Variants in UBR3 observed in about 807,000 individuals in gnomAD.
UBR3 encodes the protein ubiquitin protein ligase E3 component n-recognin 3, also known as E3 ubiquitin-protein ligase UBR3.
In UBR3, 85 loss-of-function variants were observed where a neutral mutation model predicts 243.2. The observed-to-expected ratio is 0.35, with a 90% CI of 0.29 to 0.42. The LOEUF is 0.42. Ranked by LOEUF, UBR3 falls within the 10% of genes least tolerant of loss-of-function variation. The pLI is 1.00. For missense variants in UBR3, 1,686 were observed against 2,300.8 expected (o/e 0.73, Z 5.47); for synonymous variants, 748 against 799.8 (o/e 0.94, Z 1.09).
At chr2:170,024,872 C>T (rs2090487094) in intron 30 of UBR3, among the ~76,000 whole-genome samples, 1 of 151,864 alleles carries the variant, frequency 6.6e-6, no homozygotes, top group Non-Finnish European at 1.5e-5. Context: ...AGAATTTATC[C>T]CAGGTGAGTT....
chr2:169,890,579 A>ATGTGTGTG (rs1553504576), intron 5 of UBR3, among the ~76,000 whole-genome samples: 1 of 61,266 alleles, frequency 1.6e-5, no homozygotes, highest in East Asian at 4.8e-4. Context: ...ATATATATAT[A>ATGTGTGTG]TGTATATATA....
At chr2:169,959,093 A>G (rs2087445366) in intron 24 of UBR3, among the ~76,000 whole-genome samples, 1 of 150,356 alleles carries the variant, frequency 6.7e-6, no homozygotes, top group African/African-American at 2.5e-5. Context: ...TATTTCTTCC[A>G]TTCCAGCAAA....
At chr2:169,929,883 TA>T (rs2086053928) in intron 18 of UBR3, among the ~76,000 whole-genome samples, 2 of 152,220 alleles carry the variant, frequency 1.3e-5, no homozygotes, top group Admixed American at 1.3e-4. Flanking sequence ...TTTGAAGTTG[TA>T]AATAATATAC....
At chr2:169,891,607 G>GACACAC (rs778865332) in intron 6 of UBR3, among the ~76,000 whole-genome samples, 38 of 38,712 alleles carry the variant, frequency 9.8e-4, no homozygotes, top group South Asian at 7.9e-3. Flanking sequence ...GTGAGAGAGA[G>GACACAC]ACAGAGACAC....
chr2:170,062,615 G>T (rs910590224), intron 35 of UBR3, among the ~76,000 whole-genome samples: 1 of 152,102 alleles, frequency 6.6e-6, no homozygotes, highest in Non-Finnish European at 1.5e-5. Context: ...TGGCATATGG[G>T]CATCCTCAAG....
chr2:169,854,412 AAG>A (rs1413301781), intron 1 of UBR3, among the ~76,000 whole-genome samples: 1 of 152,070 alleles, frequency 6.6e-6, no homozygotes, highest in Non-Finnish European at 1.5e-5. Context: ...CTCTAAAAGA[AAG>A]AGGTTTAGGT....
chr2:169,890,565 G>GTATATATA (rs1159868093), intron 5 of UBR3, among the ~76,000 whole-genome samples: 1,198 of 70,164 alleles, frequency 0.017, 42 homozygotes, highest in Middle Eastern at 0.033. Context: ...ATATATATAT[G>GTATATATA]TGTATATATA....
chr2:169,893,992 C>G (rs1320261886), intron 6 of UBR3, among the ~76,000 whole-genome samples: 1 of 151,920 alleles, frequency 6.6e-6, no homozygotes, highest in African/African-American at 2.4e-5. Context: ...TTCTTGCAAT[C>G]TTGGTTTTTG....
At chr2:169,921,858 A>G (rs7584236) in intron 11 of UBR3, among the ~76,000 whole-genome samples, 111,825 of 151,882 alleles carry the variant, frequency 0.74, 42,602 homozygotes, top group East Asian at 0.88. Flanking sequence ...CGGTGTGGTA[A>G]TACATGCCTG....
chr2:170,040,505 G>A (rs551914977), intron 31 of UBR3, among the ~76,000 whole-genome samples: 7 of 152,188 alleles, frequency 4.6e-5, no homozygotes, highest in African/African-American at 1.4e-4. Context: ...TTACTTATTC[G>A]TTATTGCTAA....
At chr2:169,830,131 A>C (rs1424528473) in intron 1 of UBR3, among the ~76,000 whole-genome samples, 1 of 151,302 alleles carries the variant, frequency 6.6e-6, no homozygotes, top group Non-Finnish European at 1.5e-5. Flanking sequence ...TTTTATTTTT[A>C]TTTTTATTTT....
At chr2:169,838,321 G>A (rs1473005215) in intron 1 of UBR3, among the ~76,000 whole-genome samples, 6 of 151,438 alleles carry the variant, frequency 4.0e-5, no homozygotes, top group Admixed American at 3.9e-4. Context: ...TACATCAGAC[G>A]GAGTAATTTA....
At chr2:170,055,421 C>G in intron 32 of UBR3, 39 bp from the exon 33 acceptor site, 3 of 1,601,308 alleles carry the variant, frequency 1.9e-6, no homozygotes, top group Non-Finnish European at 2.6e-6. Flanking sequence ...TACAAAATAT[C>G]TAGATTCCAA....
intron 1 of UBR3, among the ~76,000 whole-genome samples, chr2:169,844,704 C>CCAGG (rs1206062698): frequency 6.6e-6 from 1 of 152,028 alleles, no homozygotes; most frequent in East Asian, 1.9e-4. Context: ...ACCATGTTGG[C>CCAGG]CAGGCTGGTC....
intron 25 of UBR3, among the ~76,000 whole-genome samples, chr2:169,992,209 A>C (rs1262722127): frequency 6.6e-6 from 1 of 152,222 alleles, no homozygotes; most frequent in East Asian, 1.9e-4. Context: ...AAATGGACCC[A>C]AGAAGTAATA....
chr2:169,932,930 A>G lies in UBR3; in HGVS notation c.2585A>G (p.Glu862Gly), dbSNP rs2086191932. Residue 862 changes from glutamate to glycine, a missense_variant, in exon 19 of 39, where the codon GAG (glutamate) becomes GGG (glycine). Glu to Gly is a moderately conservative substitution (Grantham distance 98, BLOSUM62 -2). This residue lies in a region of UBR3 where 346 missense variants were observed against 585.8 expected (regional missense o/e 0.59). Coordinates refer to ENST00000272793, the MANE Select transcript of UBR3 (RefSeq NM_172070.4). ...YTPKAEVWDQ[E>G]FDPVMVILRT... ...ATAATAGCTGAAGTCTGGGATCAAG[A>G]GTTTGACCCCGTCATGGTCATTCTT... 1 of 1,544,122 alleles carries G rather than the reference A, an allele frequency of 6.5e-7. No individual in the cohort carries two copies. Among genetic ancestry groups the G allele is most frequent in the Non-Finnish European group, 8.7e-7 (1 of 1,144,864 alleles).
chr2:170,070,239 TGGG>T lies in UBR3; in HGVS notation c.5020-3184_5020-3182del, dbSNP rs533585339. Among the ~76,000 whole-genome samples, 10 of 152,120 alleles carry T rather than the reference TGGG, an allele frequency of 6.6e-5. No individual in the cohort carries two copies. The East Asian group carries it at 1.9e-3, about 29-fold the overall frequency. Reference sequence around the variant, plus strand: ...TTAGTTCACATATTAATTGAATAAATGGGGGGGAAACCATATGATCATTTCATT... The same window carrying T: ...TTAGTTCACATATTAATTGAATAAATGGGGAAACCATATGATCATTTCATT... On this transcript the variant is annotated intron_variant, in intron 35 of 38. Coordinates refer to ENST00000272793, the MANE Select transcript of UBR3 (RefSeq NM_172070.4).
intron 24 of UBR3, among the ~76,000 whole-genome samples, chr2:169,960,995 T>A (rs903149300): frequency 1.3e-5 from 2 of 152,118 alleles, no homozygotes; most frequent in Admixed American, 6.6e-5. Context: ...TACCACCTCT[T>A]ATTTGTTTCT....
Position 170,038,638 on chromosome 2 carries a change from G to A in UBR3, c.4557-2244G>A, listed in dbSNP as rs144013721. Reference sequence around the variant, plus strand: ...TTAGTGCCAATTAAATACGGGGTGAGTGAGAGAAGATGGCTTTGGGATGTC... The same window carrying A: ...TTAGTGCCAATTAAATACGGGGTGAATGAGAGAAGATGGCTTTGGGATGTC... On this transcript the variant is annotated intron_variant, in intron 31 of 38. Coordinates refer to ENST00000272793, the MANE Select transcript of UBR3 (RefSeq NM_172070.4). 2.5e-3 allele frequency among the ~76,000 whole-genome samples: 378 copies of A among 152,280 alleles called. 4 individuals are homozygous for A. The highest frequency in any genetic ancestry group is 1.8e-3 in the Non-Finnish European group (125 of 68,026).
Sources: gnomAD v4.1 joint callset for allele counts (sites outside exome capture counted in the v4.1 genomes callset) on GRCh38, gnomAD v4.1.1 for gene constraint, gnomAD v4.1.1 regional missense constraint, MANE v1.5 for transcripts, NCBI Gene and HGNC (gene_info 2026-07-23, HGNC 2026-07-21) for gene names.